Variants in ZBTB11 observed in about 807,000 individuals in gnomAD.
The protein encoded by ZBTB11 is zinc finger and BTB domain containing 11.
In ZBTB11, 68 loss-of-function variants were observed where a neutral mutation model predicts 113.1. The ratio of observed to expected loss-of-function variants is 0.60; its 90% CI spans 0.49 to 0.74. The LOEUF is 0.74. ZBTB11 is among the 30% of genes least tolerant of loss of function. The pLI is 0.00. For missense variants in ZBTB11, 1,104 were observed against 1,279.4 expected (o/e 0.86, Z 2.09); for synonymous variants, 518 against 452.6 (o/e 1.14, Z -1.83).
Position 101,676,591 on chromosome 3 carries a change from G to C in ZBTB11, c.310+14C>G. On this transcript the variant is annotated intron_variant, in intron 1 of 10. Transcript: ENST00000312938. ...AGTCGCCAGCCCGCCCCCTCGCCGC[G>C]GGCTAGGTCTCACCTCGCCACCAGT... The C allele has an allele frequency of 6.8e-7, 1 of 1,470,298 alleles. No individual in the cohort carries two copies. Among genetic ancestry groups the C allele is most frequent in the Non-Finnish European group, 9.0e-7 (1 of 1,111,188 alleles). The allele number at this position is 1,470,298 out of a possible 1,614,324, so 91.1% of individuals were successfully genotyped here.
At position 101,651,354 on chromosome 3, in the gene ZBTB11, T is replaced by C; in HGVS notation, c.2974A>G (p.Thr992Ala). The C allele has an allele frequency of 6.2e-7, 1 of 1,614,020 alleles. No homozygotes were observed. The highest frequency in any genetic ancestry group is 8.5e-7 in the Non-Finnish European group (1 of 1,179,930). Reference sequence around the variant, plus strand: ...GCAACAGCTTCCAGAGCTTCCATAGTTTCTCCTGTCACTACCACAGTCTCA... The same window carrying C: ...GCAACAGCTTCCAGAGCTTCCATAGCTTCTCCTGTCACTACCACAGTCTCA... The part of the protein sequence containing the change: ...ELETVVVTGE[T>A]MEALEAVAAT... The change falls in exon 11 of 11, where the codon ACT (threonine) becomes GCT (alanine). Residue 992 changes from threonine (T) to alanine (A), a missense_variant. Thr to Ala is a moderately conservative substitution (Grantham distance 58, BLOSUM62 0). Coordinates refer to ENST00000312938, the MANE Select transcript of ZBTB11 (RefSeq NM_014415.4).
Position 101,665,296 on chromosome 3 carries a change from T to A in ZBTB11, c.1291A>T (p.Asn431Tyr). The A allele has an allele frequency of 6.2e-7, 1 of 1,614,210 alleles. No individual in the cohort carries two copies. Among genetic ancestry groups the A allele is most frequent in the Non-Finnish European group, 8.5e-7 (1 of 1,180,046 alleles). Residue 431 changes from asparagine to tyrosine, a missense_variant, in exon 4 of 11, where the codon AAT becomes TAT. Physicochemically the swap from Asn to Tyr is moderately radical, Grantham distance 143. Around this residue, in one of 5 missense-constraint regions of ZBTB11, gnomAD observed 535 missense variants for 518.6 expected, o/e 1.03. Transcript: ENST00000312938. ...TELETSNNRENNTVSNIHPKL... is the reference protein window; with the variant it reads ...TELETSNNREYNTVSNIHPKL... The stretch of plus-strand genomic sequence containing the variant: ...GGGTGTATATTAGAAACTGTGTTAT[T>A]TTCTCTGTTGTTTGAAGTTTCTAGT...
In ZBTB11 at chr3:101,650,441, G is replaced by A. The variant is rs570206713; in HGVS notation, c.*725C>T. ...TCATGGTCAATTTACTTGCCTTGAAGAAATAGTATAGTAAGGTTTTAATAA... is the reference window on the plus strand; with the variant it reads ...TCATGGTCAATTTACTTGCCTTGAAAAAATAGTATAGTAAGGTTTTAATAA... On this transcript the variant is annotated 3_prime_UTR_variant, in exon 11 of 11. Transcript: ENST00000312938. The A allele has an allele frequency of 2.6e-5, 4 of 152,666 alleles. No homozygotes were observed. The highest frequency in any genetic ancestry group is 9.6e-5 in the African/African-American group (4 of 41,536). 9.5% of individuals were successfully genotyped at this position (152,666 alleles called of 1,614,324 possible).
intron 8 of ZBTB11, 152 bp from the exon 9 acceptor site, chr3:101,653,090 C>T (rs975451274): frequency 1.2e-6 from 1 of 840,686 alleles, no homozygotes; most frequent in Non-Finnish European, 1.8e-6. Context: ...ATAAAGGCTA[C>T]AGGGTTTTAG....
intron 6 of ZBTB11, 71 bp from the exon 7 acceptor site, chr3:101,656,319 G>T (rs1295092346): frequency 3.3e-6 from 3 of 901,644 alleles, no homozygotes; most frequent in Non-Finnish European, 3.0e-6. Context: ...TGAAGACAGA[G>T]AAAATGAATA....
rs76876070 is a variant in ZBTB11, at chr3:101,664,591, C to A, written c.1747G>T (p.Ala583Ser). ...ECGMVFQRRY[A>S]LIMHKLKHER... The stretch of plus-strand genomic sequence containing the variant: ...TGTTTCAGTTTGTGCATTATAAGGG[C>A]GTATCGTCTCTGAAAAACCATTCCA... The change falls in exon 5 of 11, where the codon GCC (alanine) becomes TCC (serine). Residue 583 changes from alanine to serine, a missense_variant. Physicochemically the swap from Ala to Ser is moderately conservative, Grantham distance 99. Coordinates refer to ENST00000312938, the MANE Select transcript of ZBTB11 (RefSeq NM_014415.4). 1.9e-6 allele frequency: 3 copies of A among 1,613,722 alleles called. No individual in the cohort carries two copies. In the Admixed American group the frequency reaches 5.0e-5, roughly 27 times the overall value.
chr3:101,651,198 C>T lies in ZBTB11; in HGVS notation c.3130G>A (p.Val1044Ile). ...EVAEAIQTVKVEVAHISGGE is the reference protein window; with the variant it reads ...EVAEAIQTVKIEVAHISGGE ...CCTCCTGAAATATGTGCTACCTCTACTTTAACAGTTTGAATAGCTTCTGCA... is the reference window on the plus strand; with the variant it reads ...CCTCCTGAAATATGTGCTACCTCTATTTTAACAGTTTGAATAGCTTCTGCA... The change falls in exon 11 of 11, where the codon GTA (valine) becomes ATA (isoleucine). Residue 1044 changes from valine (V) to isoleucine (I), a missense_variant. Around this residue, in one of 5 missense-constraint regions of ZBTB11, gnomAD observed 90 missense variants for 98.0 expected, o/e 0.92. Coordinates refer to ENST00000312938, the MANE Select transcript of ZBTB11 (RefSeq NM_014415.4). 6.2e-7 allele frequency: 1 copy of T among 1,605,466 alleles called. No homozygotes were observed. The highest frequency in any genetic ancestry group is 1.7e-4 in the Middle Eastern group (1 of 5,914).
chr3:101,664,824 T>C (rs1936953381), intron 4 of ZBTB11, 110 bp from the exon 5 acceptor site: 1 of 1,459,918 alleles, frequency 6.8e-7, no homozygotes, highest in Non-Finnish European at 9.2e-7. Context: ...ATCTTATTAA[T>C]ACTGGCATTT....
intron 1 of ZBTB11, among the ~76,000 whole-genome samples, chr3:101,673,480 A>G (rs1937113158): frequency 6.6e-6 from 1 of 152,140 alleles, no homozygotes; most frequent in African/African-American, 2.4e-5. Context: ...TATTCCTGAA[A>G]AGTGTTTTAA....
intron 5 of ZBTB11, among the ~76,000 whole-genome samples, chr3:101,661,894 C>G (rs927007861): frequency 6.6e-6 from 1 of 152,008 alleles, no homozygotes; most frequent in African/African-American, 2.4e-5. Context: ...TTCTTTCACT[C>G]CCATTTCTAA....
At chr3:101,658,392 A>G (rs145108885) in intron 6 of ZBTB11, among the ~76,000 whole-genome samples, 4,530 of 151,448 alleles carry the variant, frequency 0.03, 259 homozygotes, top group African/African-American at 0.11. Context: ...TGCCTGGCTA[A>G]TTTTTTGTAT....
chr3:101,675,774 G>A, intron 1 of ZBTB11, among the ~76,000 whole-genome samples: 1 of 152,140 alleles, frequency 6.6e-6, no homozygotes, highest in Non-Finnish European at 1.5e-5. Flanking sequence ...CACATCATTA[G>A]GGGAAAGATT....
Position 101,654,745 on chromosome 3 carries a change from T to A in ZBTB11, c.2268A>T (p.Lys756Asn). ...RGSGLSKHFK[K>N]HQPKPEVRGY... ...CTCGAACCTCAGGCTTTGGTTGGTG[T>A]TTCTTGAAGTGCTTGCTGAGTCCAG... The change falls in exon 8 of 11, where the codon AAA (lysine) becomes AAT (asparagine). Residue 756 changes from lysine to asparagine, a missense_variant. Physicochemically the swap from Lys to Asn is moderately conservative, Grantham distance 94. Transcript: ENST00000312938. The A allele has an allele frequency of 1.2e-6, 2 of 1,614,222 alleles. No homozygotes were observed. Among genetic ancestry groups the A allele is most frequent in the Non-Finnish European group, 1.7e-6 (2 of 1,180,044 alleles).
rs1268721295 is a variant in ZBTB11 at position 101,649,531 on chromosome 3, C to T, written c.*1635G>A. The T allele has an allele frequency of 1.3e-5, 2 of 151,810 alleles. No individual in the cohort carries two copies. Among genetic ancestry groups the T allele is most frequent in the Non-Finnish European group, 2.9e-5 (2 of 67,970 alleles). The allele number at this position is 151,810 out of a possible 1,614,324, so 9.4% of individuals were successfully genotyped here. On this transcript the variant is annotated 3_prime_UTR_variant, in exon 11 of 11. Coordinates refer to ENST00000312938, the MANE Select transcript of ZBTB11 (RefSeq NM_014415.4). ...ACAATTTTTAAACTAAATCTAGTAA[C>T]AACAGAGGATGGAACATAAAAGACA...
At chr3:101,673,639 G>C (rs1051047564) in intron 1 of ZBTB11, among the ~76,000 whole-genome samples, 1 of 151,676 alleles carries the variant, frequency 6.6e-6, no homozygotes, top group African/African-American at 2.4e-5. Context: ...TCAGCCTCCC[G>C]AGTAGCTGGG....
chr3:101,659,145 G>C (rs1374538252), intron 6 of ZBTB11, among the ~76,000 whole-genome samples: 2 of 152,142 alleles, frequency 1.3e-5, no homozygotes, highest in African/African-American at 2.4e-5. Flanking sequence ...AGGCTAAGGT[G>C]GGAGGATGGT....
Position 101,671,362 on chromosome 3 carries a change from C to G in ZBTB11, c.547-1G>C. Reference sequence around the variant, plus strand: ...GTTTTACCACTCCTTTGGTGTCAACCTGTCAAAATAAGTTTGAGAGCAAGA... The same window carrying G: ...GTTTTACCACTCCTTTGGTGTCAACGTGTCAAAATAAGTTTGAGAGCAAGA... On this transcript the variant is annotated splice_acceptor_variant, in intron 2 of 10. Transcript: ENST00000312938. LOFTEE classifies it high-confidence loss of function. The G allele has an allele frequency of 6.2e-7, 1 of 1,612,964 alleles. No individual in the cohort carries two copies. The highest frequency in any genetic ancestry group is 8.5e-7 in the Non-Finnish European group (1 of 1,179,128).
intron 5 of ZBTB11, 44 bp from the exon 6 acceptor site, chr3:101,660,072 A>G (rs1477490105): frequency 6.3e-7 from 1 of 1,580,642 alleles, no homozygotes; most frequent in Admixed American, 1.8e-5. Flanking sequence ...TTCCATTACA[A>G]AATGTTAACT....
intron 10 of ZBTB11, 113 bp downstream of exon 10, chr3:101,652,383 A>G (rs1463464240): frequency 9.5e-7 from 1 of 1,056,626 alleles, no homozygotes; most frequent in East Asian, 2.5e-5. Context: ...TCATTTGAAT[A>G]AAGATATGAA....
Sources: allele counts gnomAD v4.1 joint callset (sites outside exome capture counted in the v4.1 genomes callset), GRCh38; gene constraint gnomAD v4.1.1; regional missense constraint gnomAD v4.1.1; transcripts MANE v1.5; gene names NCBI Gene and HGNC (gene_info 2026-07-23, HGNC 2026-07-21).